TMTC2: variants seen among roughly 807,000 people sequenced by gnomAD.
The protein encoded by TMTC2 is protein O-mannosyl-transferase TMTC2.
In TMTC2, 43 loss-of-function variants were observed where a neutral mutation model predicts 82.4. The ratio of observed to expected loss-of-function variants is 0.52; its 90% CI spans 0.41 to 0.67. The LOEUF (loss-of-function observed/expected upper bound fraction) is 0.67, where lower values mean the gene tolerates loss of function less well. TMTC2 is among the 30% of genes least tolerant of loss of function. The pLI is 0.00. For synonymous variants in TMTC2, 408 were observed against 381.9 expected, an observed-to-expected ratio of 1.07 and a Z score of -0.80; for missense variants, 919 against 1,012.4, an observed-to-expected ratio of 0.91 and a Z score of 1.25.
At chr12:82,746,305 C>T (rs1230205390) in intron 1 of TMTC2, among the ~76,000 whole-genome samples, 2 of 152,050 alleles carry the variant, frequency 1.3e-5, no homozygotes, top group African/African-American at 4.8e-5. Context: ...TAAAGCATGT[C>T]CTTTGAGTTA....
At chr12:82,875,599 G>A (rs1005775061) in intron 2 of TMTC2, among the ~76,000 whole-genome samples, 7 of 151,962 alleles carry the variant, frequency 4.6e-5, no homozygotes, top group Admixed American at 3.3e-4. Flanking sequence ...TTAGCATTAC[G>A]GCTATTCTCT....
rs552014666 is a variant in TMTC2, at chr12:82,858,916, C to T, written c.654+1336C>T. Among the ~76,000 whole-genome samples, 12 of 152,132 alleles carry T rather than the reference C, an allele frequency of 7.9e-5. No individual in the cohort carries two copies. In the South Asian group the frequency reaches 2.3e-3, roughly 29 times the overall value. ...TTGTTTTCATCTAACCCAATGTCAT[C>T]GACAATAGCAAACTTTGTTTTATTA... is the stretch of plus-strand genomic sequence containing the variant. On this transcript the variant is annotated intron_variant, in intron 2 of 11. Transcript: ENST00000321196.
chr12:82,856,770 C>T (rs1359806255), intron 1 of TMTC2, among the ~76,000 whole-genome samples: 1 of 152,028 alleles, frequency 6.6e-6, no homozygotes, highest in Non-Finnish European at 1.5e-5. Flanking sequence ...GAACTTTATT[C>T]TTCAAAGATA....
chr12:83,009,634 C>CT (rs948686346), intron 8 of TMTC2, among the ~76,000 whole-genome samples: 14 of 151,864 alleles, frequency 9.2e-5, no homozygotes, highest in Admixed American at 2.6e-4. Flanking sequence ...TTTAGATTTC[C>CT]TTTTTCCCCC....
At chr12:83,008,390 C>T (rs1437892996) in intron 8 of TMTC2, among the ~76,000 whole-genome samples, 2 of 152,080 alleles carry the variant, frequency 1.3e-5, no homozygotes, top group Non-Finnish European at 2.9e-5. Context: ...ATTCATTGCA[C>T]GTCCATTTAG....
At chr12:83,042,830 C>A (rs993656981) in intron 9 of TMTC2, among the ~76,000 whole-genome samples, 1 of 152,332 alleles carries the variant, frequency 6.6e-6, no homozygotes, top group African/African-American at 2.4e-5. Flanking sequence ...ACACTAGACA[C>A]CTTCCTTGCC....
intron 2 of TMTC2, among the ~76,000 whole-genome samples, chr12:82,889,660 A>G (rs557465033): frequency 6.6e-6 from 1 of 152,186 alleles, no homozygotes; most frequent in South Asian, 2.1e-4. Flanking sequence ...TATTTTTCTG[A>G]ATGAACTTTA....
At chr12:82,801,072 A>G (rs1297324301) in intron 1 of TMTC2, among the ~76,000 whole-genome samples, 1 of 152,154 alleles carries the variant, frequency 6.6e-6, no homozygotes, top group Non-Finnish European at 1.5e-5. Flanking sequence ...CTTGGCCATC[A>G]TTTTTAAGGA....
intron 1 of TMTC2, among the ~76,000 whole-genome samples, chr12:82,775,893 G>A (rs1565745365): frequency 6.6e-6 from 1 of 151,822 alleles, no homozygotes; most frequent in Non-Finnish European, 1.5e-5. Flanking sequence ...TAATTTTTTA[G>A]TTTCTTTAGT....
chr12:83,070,050 A>G (rs1235558191), intron 11 of TMTC2, among the ~76,000 whole-genome samples: 1 of 152,048 alleles, frequency 6.6e-6, no homozygotes, highest in Non-Finnish European at 1.5e-5. Context: ...GTGTGTGCCT[A>G]TCTTTATACC....
chr12:82,742,757 C>A (rs1433831616), intron 1 of TMTC2, among the ~76,000 whole-genome samples: 1 of 152,166 alleles, frequency 6.6e-6, no homozygotes, highest in Non-Finnish European at 1.5e-5. Flanking sequence ...CTCCTGACCT[C>A]AGGTGATCTG....
At chr12:82,758,460 G>A (rs1274816950) in intron 1 of TMTC2, 12 of 152,088 alleles carry the variant, frequency 7.9e-5, no homozygotes, top group Admixed American at 7.2e-4. Flanking sequence ...TGTATTGCTG[G>A]TATGAGGATA....
intron 2 of TMTC2, among the ~76,000 whole-genome samples, chr12:82,872,748 C>T (rs932102727): frequency 2.0e-5 from 3 of 152,084 alleles, no homozygotes; most frequent in Non-Finnish European, 2.9e-5. Context: ...TTGTAAAGAT[C>T]ATAAAGACTT....
intron 7 of TMTC2, among the ~76,000 whole-genome samples, chr12:82,976,012 T>C (rs1387046314): frequency 1.3e-5 from 2 of 152,156 alleles, no homozygotes; most frequent in African/African-American, 2.4e-5. Flanking sequence ...AAGACAGTAT[T>C]ATATTTTTGG....
At chr12:82,909,684 A>G (rs541686119) in intron 3 of TMTC2, among the ~76,000 whole-genome samples, 1 of 152,234 alleles carries the variant, frequency 6.6e-6, no homozygotes, top group South Asian at 2.1e-4. Context: ...TTTCCAACCA[A>G]TTAATACATT....
chr12:82,701,589 T>TAA lies in TMTC2; in HGVS notation c.83+13942_83+13943dup, dbSNP rs763176928. Among the ~76,000 whole-genome samples, 746 of 91,874 alleles carry TAA rather than the reference T, an allele frequency of 8.1e-3. 12 individuals carry two copies. Among genetic ancestry groups the TAA allele is most frequent in the African/African-American group, 0.029 (688 of 24,028 alleles). The allele number at this position is 91,874 out of a possible 152,430, so 60.3% of individuals were successfully genotyped here. On this transcript the variant is annotated intron_variant, in intron 1 of 11. Transcript: ENST00000321196. ...CAACATGGAGAAACCCCGTCTTTAC[T>TAA]AAAAAAAAAAAAAAAAAAAAAAATT...
intron 8 of TMTC2, among the ~76,000 whole-genome samples, chr12:82,987,300 T>C (rs1251072325): frequency 6.6e-6 from 1 of 151,632 alleles, no homozygotes; most frequent in Non-Finnish European, 1.5e-5. Flanking sequence ...AATGCGTCCC[T>C]GTTATCCCAG....
At chr12:83,068,464 T>A (rs1466165270) in intron 11 of TMTC2, among the ~76,000 whole-genome samples, 16 of 152,116 alleles carry the variant, frequency 1.1e-4, no homozygotes, top group Admixed American at 1.0e-3. Context: ...GGGAAGCAGT[T>A]AAACCACATT....
chr12:82,749,739 C>CTTTTTTTTT lies in TMTC2; in HGVS notation c.83+62078_83+62086dup, dbSNP rs71068950. On this transcript the variant is annotated intron_variant, in intron 1 of 11. Coordinates refer to ENST00000321196, the MANE Select transcript of TMTC2 (RefSeq NM_152588.3). ...TTTGTTTTTCTTTCTTTCTTTCTTTCTTTTTTTTTTTTTTTTGAGGCGGAG... is the reference window on the plus strand; with the variant it reads ...TTTGTTTTTCTTTCTTTCTTTCTTTCTTTTTTTTTTTTTTTTTTTTTTTTTGAGGCGGAG... 1.4e-4 allele frequency among the ~76,000 whole-genome samples: 18 copies of CTTTTTTTTT among 127,116 alleles called. 1 individual carries two copies. The highest frequency in any genetic ancestry group is 2.5e-4 in the Non-Finnish European group (16 of 63,440). The allele number at this position is 127,116 out of a possible 152,430, so 83.4% of individuals were successfully genotyped here. A position where few individuals can be genotyped will look rare whatever the true frequency, so the allele number is the denominator to read the frequency against.
Sources: gnomAD v4.1 joint callset for allele counts (sites outside exome capture counted in the v4.1 genomes callset) on GRCh38, gnomAD v4.1.1 for gene constraint, MANE v1.5 for transcripts, NCBI Gene and HGNC (gene_info 2026-07-23, HGNC 2026-07-21) for gene names.